The following SMARCAD1 variants were observed in gnomAD, a reference collection of about 807,000 sequenced individuals.
SMARCAD1 encodes the protein SNF2 related chromatin remodeling ATPase with DExD box 1, also known as SWI/SNF-related matrix-associated actin-dependent regulator of chromatin subfamily A containing DEAD/H box 1.
A neutral mutation model predicts 127.1 loss-of-function variants in SMARCAD1; 25 were observed. That is an observed-to-expected ratio of 0.20 (90% CI 0.14 to 0.27). The LOEUF (loss-of-function observed/expected upper bound fraction) is 0.27. Among genes scored for constraint, SMARCAD1 ranks in the 10% least tolerant of loss-of-function variants. The pLI, the probability that SMARCAD1 is intolerant of heterozygous loss-of-function variation, is 1.00. For synonymous variants in SMARCAD1, 400 were observed against 396.9 expected (o/e 1.01, Z -0.09); for missense variants, 807 against 1,206.0 (o/e 0.67, Z 4.90).
intron 9 of SMARCAD1, among the ~76,000 whole-genome samples, chr4:94,262,534 C>T (rs757293998): frequency 7.2e-5 from 11 of 152,160 alleles, no homozygotes; most frequent in Non-Finnish European, 1.5e-4. Context: ...CTCTAAAACC[C>T]TTCAATAGCT....
intron 6 of SMARCAD1, among the ~76,000 whole-genome samples, chr4:94,243,147 C>T (rs1034789419): frequency 2.6e-5 from 4 of 152,098 alleles, no homozygotes; most frequent in East Asian, 1.9e-4. Context: ...CCATATTAGC[C>T]GGGCTGATCT....
intron 9 of SMARCAD1, among the ~76,000 whole-genome samples, chr4:94,257,923 AAT>A (rs781113342): frequency 6.6e-6 from 1 of 152,108 alleles, no homozygotes; most frequent in Admixed American, 6.5e-5. Context: ...CAGTTCTGTT[AAT>A]ATATGTTAAT....
intron 5 of SMARCAD1, among the ~76,000 whole-genome samples, chr4:94,238,920 C>A (rs1264346012): frequency 2.1e-5 from 2 of 93,204 alleles, no homozygotes; most frequent in Admixed American, 2.4e-4. Flanking sequence ...ACTGAGGTTA[C>A]ATGAGGAAAC....
intron 5 of SMARCAD1, among the ~76,000 whole-genome samples, chr4:94,237,229 A>G (rs2125870552): frequency 6.6e-6 from 1 of 152,250 alleles, no homozygotes; most frequent in African/African-American, 2.4e-5. Flanking sequence ...AAATCTTGTA[A>G]CAGTGAAGTT....
At chr4:94,207,827 C>G (rs1290228079), upstream of SMARCAD1, 1 of 325,496 alleles carries the variant, frequency 3.1e-6, no homozygotes, top group African/African-American at 2.2e-5. Flanking sequence ...CCTGTGTGTT[C>G]TTAATCCTAT....
chr4:94,255,738 A>ATTTAATT lies in SMARCAD1; in HGVS notation c.1281+2734_1281+2735insAATTTTT, dbSNP rs1749977379. ...GTCACCCTCATTTTACATGAGGAAA[A>ATTTAATT]TTTGATTTTTTTTAAAGTATATTAC... On this transcript the variant is annotated intron_variant, in intron 9 of 23. Coordinates refer to ENST00000354268, the MANE Select transcript of SMARCAD1 (RefSeq NM_020159.5). Among the ~76,000 whole-genome samples the ATTTAATT allele has an allele frequency of 2.6e-5, 4 of 151,198 alleles. No homozygotes were observed. In the South Asian group the frequency reaches 8.4e-4, roughly 32 times the overall value.
intron 19 of SMARCAD1, 72 bp from the exon 20 acceptor site, chr4:94,280,520 T>C: frequency 7.4e-7 from 1 of 1,344,178 alleles, no homozygotes; most frequent in Non-Finnish European, 1.0e-6. Context: ...ATAAACAGTT[T>C]TATTAAACTT....
Position 94,252,980 on chromosome 4 carries a change from C to G in SMARCAD1, c.1254C>G (p.Leu418=), listed in dbSNP as rs1749506676. 1 of 1,613,376 alleles carries G rather than the reference C, an allele frequency of 6.2e-7. No homozygotes were observed. Among genetic ancestry groups the G allele is most frequent in the Non-Finnish European group, 8.5e-7 (1 of 1,179,978 alleles). The change falls in exon 9 of 24, where the codon CTC becomes CTG. Residue 418 remains leucine (L), a synonymous_variant. Transcript: ENST00000354268. ...SQKKAQKITE[L]RPFNSWEALF... is the part of the protein sequence containing the mutation. ...AAAAGGCTCAGAAGATAACAGAACT[C>G]CGGCCCTTTAATAGTTGGGAGGCTC...
rs183492703 is a variant in SMARCAD1, at chr4:94,273,867, C to G, written c.1672+151C>G. 146 of 659,514 alleles carry G rather than the reference C, an allele frequency of 2.2e-4. No individual in the cohort carries two copies. In the Admixed American group the frequency reaches 4.0e-3, roughly 18 times the overall value. The allele number at this position is 659,514 out of a possible 1,614,324, so 40.9% of individuals were successfully genotyped here. A position where few individuals can be genotyped will look rare whatever the true frequency, so the allele number is the denominator to read the frequency against. ...TTTATGGTCTCTTTATACTTTTCTC[C>G]TTTGTTTATATATGTGTGTTTGATT... On this transcript the variant is annotated intron_variant, in intron 12 of 23. Transcript: ENST00000354268.
chr4:94,281,456 G>A lies in SMARCAD1; in HGVS notation c.2608-16G>A, dbSNP rs768214878. ...ACGATTTTTTCTATTTCTAATTCAT[G>A]TATGTATTTTCACAGGGTGATAGAG... On this transcript the variant is annotated splice_polypyrimidine_tract_variant and intron_variant, in intron 20 of 23. Coordinates refer to ENST00000354268, the MANE Select transcript of SMARCAD1 (RefSeq NM_020159.5). 1.1e-5 allele frequency: 17 copies of A among 1,512,216 alleles called. No homozygotes were observed. In the Admixed American group the frequency reaches 2.8e-4, roughly 25 times the overall value. 93.7% of individuals were successfully genotyped at this position (1,512,216 alleles called of 1,614,324 possible). A position where few individuals can be genotyped will look rare whatever the true frequency, so the allele number is the denominator to read the frequency against.
intron 4 of SMARCAD1, among the ~76,000 whole-genome samples, chr4:94,234,864 A>C (rs1746390110): frequency 1.3e-5 from 2 of 152,288 alleles, no homozygotes; most frequent in South Asian, 4.1e-4. Flanking sequence ...CCATATCTGT[A>C]TGGACTAGGC....
intron 6 of SMARCAD1, among the ~76,000 whole-genome samples, chr4:94,244,069 G>T (rs977873611): frequency 1.3e-5 from 2 of 152,188 alleles, no homozygotes; most frequent in African/African-American, 4.8e-5. Context: ...GACCAGGTTC[G>T]AGTGCTGGAA....
At chr4:94,249,507 T>C in intron 6 of SMARCAD1, 147 bp from the exon 7 acceptor site, 1 of 620,510 alleles carries the variant, frequency 1.6e-6, no homozygotes, top group South Asian at 2.0e-5. Flanking sequence ...AATATGTCAA[T>C]GTTCACAGAA....
At chr4:94,282,107 T>TG (rs1202650008) in intron 21 of SMARCAD1, among the ~76,000 whole-genome samples, 10 of 92,766 alleles carry the variant, frequency 1.1e-4, no homozygotes, top group Admixed American at 3.1e-4. Flanking sequence ...TTTGTTTTTT[T>TG]TTTTTTTTTT....
In SMARCAD1 at chr4:94,280,633, A is replaced by C. The variant is rs895123297; in HGVS notation, c.2460A>C (p.Glu820Asp). The C allele has an allele frequency of 6.2e-7, 1 of 1,613,790 alleles. No homozygotes were observed. The highest frequency in any genetic ancestry group is 1.1e-5 in the South Asian group (1 of 91,080). The change falls in exon 20 of 24, where the codon GAA becomes GAC. Residue 820 changes from glutamate (E) to aspartate (D), a missense_variant. Transcript: ENST00000354268. ...HCEANPDLIF[E>D]DMEVMTDFEL... ...AGGCTAACCCTGACCTGATCTTTGAAGATATGGAAGTTATGACAGACTTCG... is the reference window on the plus strand; with the variant it reads ...AGGCTAACCCTGACCTGATCTTTGACGATATGGAAGTTATGACAGACTTCG...
chr4:94,275,441 G>A (rs1201721644), intron 14 of SMARCAD1, among the ~76,000 whole-genome samples: 1 of 152,064 alleles, frequency 6.6e-6, no homozygotes, highest in Admixed American at 6.5e-5. Context: ...TAATGCTCTT[G>A]TGTTACATTA....
Position 94,264,978 on chromosome 4 carries a change from C to T in SMARCAD1, c.1481+72C>T, listed in dbSNP as rs542869680. ...AAAATATCTGAATTTATTTCTGTATCGTGCCTAGAAAGTGATATGGCAACT... is the reference window on the plus strand; with the variant it reads ...AAAATATCTGAATTTATTTCTGTATTGTGCCTAGAAAGTGATATGGCAACT... On this transcript the variant is annotated intron_variant, in intron 10 of 23. Coordinates refer to ENST00000354268, the MANE Select transcript of SMARCAD1 (RefSeq NM_020159.5). 540 of 1,457,532 alleles carry T rather than the reference C, an allele frequency of 3.7e-4. 6 individuals are homozygous for T. The South Asian group carries it at 4.0e-3, about 11-fold the overall frequency. The allele number at this position is 1,457,532 out of a possible 1,614,324, so 90.3% of individuals were successfully genotyped here.
intron 9 of SMARCAD1, among the ~76,000 whole-genome samples, chr4:94,262,838 A>G (rs1233756459): frequency 6.6e-6 from 1 of 151,360 alleles, no homozygotes; most frequent in East Asian, 1.9e-4. Context: ...GACCACAAGG[A>G]CAGGGCTGTG....
In SMARCAD1 at chr4:94,229,837, T is replaced by C. The variant is rs189832534; in HGVS notation, c.368+3541T>C. Among the ~76,000 whole-genome samples the C allele has an allele frequency of 4.2e-4, 64 of 151,804 alleles. No individual in the cohort carries two copies. In the East Asian group the frequency reaches 5.2e-3, roughly 12 times the overall value. On this transcript the variant is annotated intron_variant, in intron 3 of 23. Transcript: ENST00000354268. ...TTTAATCATTTGTTTACAGTGATACTGATAATTCTAATCTATCACTACAGG... is the reference window on the plus strand; with the variant it reads ...TTTAATCATTTGTTTACAGTGATACCGATAATTCTAATCTATCACTACAGG...
Sources: allele counts gnomAD v4.1 joint callset (sites outside exome capture counted in the v4.1 genomes callset), GRCh38; gene constraint gnomAD v4.1.1; transcripts MANE v1.5; gene names NCBI Gene and HGNC (gene_info 2026-07-23, HGNC 2026-07-21).